Variants in FRAS1 observed in about 807,000 individuals in gnomAD.
FRAS1 encodes Fraser extracellular matrix complex subunit 1.
FRAS1 carries 290 observed loss-of-function variants against 435.2 expected under a neutral mutation model. The ratio of observed to expected loss-of-function variants is 0.67; its 90% confidence interval spans 0.61 to 0.73. The LOEUF is 0.73. FRAS1 is among the 30% of genes least tolerant of loss of function. The pLI, the probability that FRAS1 is intolerant of heterozygous loss-of-function variation, is 0.00. For synonymous variants in FRAS1, 1,800 were observed against 1,851.0 expected (o/e 0.97, Z 0.71); for missense variants, 4,860 against 5,001.5 (o/e 0.97, Z 0.85).
chr4:78,387,355 T>G lies in FRAS1; in HGVS notation c.3649-20T>G, dbSNP rs1732255371. On this transcript the variant is annotated intron_variant, in intron 28 of 73. Transcript: ENST00000512123. Reference sequence around the variant, plus strand: ...CTTTCTTTCCCTCTTAACTGACTCTTCTTCCCTTCAACTCCACAGGCCCCC... The same window carrying G: ...CTTTCTTTCCCTCTTAACTGACTCTGCTTCCCTTCAACTCCACAGGCCCCC... 6.4e-7 allele frequency: 1 copy of G among 1,568,690 alleles called. No individual in the cohort carries two copies. The highest frequency in any genetic ancestry group is 1.4e-5 in the African/African-American group (1 of 73,934).
At chr4:78,156,569 G>A (rs537230356) in intron 2 of FRAS1, among the ~76,000 whole-genome samples, 1 of 152,160 alleles carries the variant, frequency 6.6e-6, no homozygotes, top group African/African-American at 2.4e-5. Flanking sequence ...TTAGTTGTGA[G>A]TACTCGAATT....
At chr4:78,459,528 A>G (rs1016851872) in intron 47 of FRAS1, among the ~76,000 whole-genome samples, 1 of 152,230 alleles carries the variant, frequency 6.6e-6, no homozygotes, top group African/African-American at 2.4e-5. Context: ...TGCTTTAGCA[A>G]TGGTGTTATT....
At chr4:78,216,635 CG>C (rs1723780943) in intron 2 of FRAS1, among the ~76,000 whole-genome samples, 1 of 152,118 alleles carries the variant, frequency 6.6e-6, no homozygotes, top group South Asian at 2.1e-4. Flanking sequence ...AGCAGTAAAC[CG>C]TTCTTACTTT....
chr4:78,434,067 A>G (rs1432029031), intron 38 of FRAS1, among the ~76,000 whole-genome samples: 7 of 152,236 alleles, frequency 4.6e-5, no homozygotes, highest in Non-Finnish European at 1.0e-4. Context: ...ACTAAGAGTC[A>G]TGGAAAAACT....
chr4:78,308,421 T>A (rs1728880898), intron 15 of FRAS1, among the ~76,000 whole-genome samples: 1 of 152,192 alleles, frequency 6.6e-6, no homozygotes, highest in Admixed American at 6.5e-5. Context: ...AGGGTTGGGG[T>A]GCTCATTCTA....
At chr4:78,058,128 G>C in intron 1 of FRAS1, 43 bp downstream of exon 1, 1 of 1,408,640 alleles carries the variant, frequency 7.1e-7, no homozygotes, top group Non-Finnish European at 9.9e-7. Flanking sequence ...GTGCGTGTGC[G>C]TGTGTGTGTG....
At position 78,508,784 on chromosome 4, in the gene FRAS1, C is replaced by G; in HGVS notation, c.9558C>G (p.Val3186=). ...TGGAAGAAGTTACCAAGGAAGGAGTCAAGAAATCCCCCTCCCCAGGCTACC... is the reference window on the plus strand; with the variant it reads ...TGGAAGAAGTTACCAAGGAAGGAGTGAAGAAATCCCCCTCCCCAGGCTACC... ...DHVEEVTKEG[V]KKSPSPGYPL... The change falls in exon 63 of 74, where the codon GTC becomes GTG. Residue 3186 remains valine, a synonymous_variant. Transcript: ENST00000512123. 2 of 1,613,706 alleles carry G rather than the reference C, an allele frequency of 1.2e-6. No homozygotes were observed. The highest frequency in any genetic ancestry group is 1.1e-5 in the South Asian group (1 of 91,030).
intron 27 of FRAS1, among the ~76,000 whole-genome samples, chr4:78,380,379 A>G (rs1731966542): frequency 6.6e-6 from 1 of 152,074 alleles, no homozygotes; most frequent in Non-Finnish European, 1.5e-5. Flanking sequence ...CATTCTTTTC[A>G]AGGTGTTGTA....
At chr4:78,524,148 T>C (rs1469148276) in intron 69 of FRAS1, among the ~76,000 whole-genome samples, 1 of 152,212 alleles carries the variant, frequency 6.6e-6, no homozygotes, top group Non-Finnish European at 1.5e-5. Flanking sequence ...TGATGGTCTA[T>C]CTGCTGGTCC....
At chr4:78,181,602 C>T in intron 2 of FRAS1, 2 of 1,611,118 alleles carry the variant, frequency 1.2e-6, no homozygotes, top group Non-Finnish European at 1.7e-6. Context: ...GAAAATTAGC[C>T]TCCTTCACCC....
chr4:78,065,180 A>G (rs537094042), intron 1 of FRAS1, among the ~76,000 whole-genome samples: 1 of 146,864 alleles, frequency 6.8e-6, no homozygotes, highest in African/African-American at 2.5e-5. Flanking sequence ...ATGTATATAT[A>G]TGTGTATATA....
intron 19 of FRAS1, among the ~76,000 whole-genome samples, chr4:78,334,092 G>A (rs796339808): frequency 6.6e-6 from 1 of 152,166 alleles, no homozygotes; most frequent in African/African-American, 2.4e-5. Context: ...CCCAGCCTGT[G>A]GCTTTTTAAA....
chr4:78,135,485 G>C (rs1019063983), intron 2 of FRAS1, among the ~76,000 whole-genome samples: 2 of 152,138 alleles, frequency 1.3e-5, no homozygotes, highest in African/African-American at 4.8e-5. Context: ...GAAATACTTG[G>C]GCTGTTTCTT....
chr4:78,093,073 C>G (rs532394908), intron 2 of FRAS1, among the ~76,000 whole-genome samples: 3 of 152,324 alleles, frequency 2.0e-5, no homozygotes, highest in Middle Eastern at 3.4e-3. Flanking sequence ...TCAAAGTTAC[C>G]TTTTGTTTGG....
rs547172529 is a variant in FRAS1 at position 78,204,653 on chromosome 4, T to C, written c.109-32857T>C. ...TCTCGCCCTGGCTTTTACCAGCGAT[T>C]TTTTCCTCCTTTTCATAGTCCACAA... On this transcript the variant is annotated intron_variant, in intron 2 of 73. Transcript: ENST00000512123. Among the ~76,000 whole-genome samples the C allele has an allele frequency of 9.1e-4, 138 of 152,294 alleles. 2 individuals carry two copies. Among genetic ancestry groups the C allele is most frequent in the African/African-American group, 2.8e-3 (115 of 41,566 alleles).
At chr4:78,324,889 A>G (rs1185435271) in intron 18 of FRAS1, among the ~76,000 whole-genome samples, 1 of 152,034 alleles carries the variant, frequency 6.6e-6, no homozygotes, top group Non-Finnish European at 1.5e-5. Context: ...CCCCCATTCC[A>G]TGGTAAATTA....
chr4:78,086,093 A>T, intron 2 of FRAS1, among the ~76,000 whole-genome samples: 1 of 152,112 alleles, frequency 6.6e-6, no homozygotes. Context: ...CCACAGTGCA[A>T]TCAAACTAGA....
At position 78,181,505 on chromosome 4, in the gene FRAS1, C is replaced by T. The variant is rs561624918; in HGVS notation, c.109-56005C>T. On this transcript the variant is annotated intron_variant, in intron 2 of 73. Transcript: ENST00000512123. Reference sequence around the variant, plus strand: ...GCCACGAGAATCAAATCCATCTCCTCGGCCCATTCCACGTCCACGGCCCCC... The same window carrying T: ...GCCACGAGAATCAAATCCATCTCCTTGGCCCATTCCACGTCCACGGCCCCC... 3.8e-5 allele frequency: 62 copies of T among 1,611,674 alleles called. No homozygotes were observed. The East Asian group carries it at 9.4e-4, about 24-fold the overall frequency.
In FRAS1 at chr4:78,246,682, TG is replaced by T. The variant is rs1725264290; in HGVS notation, c.309+1359del. Among the ~76,000 whole-genome samples the T allele has an allele frequency of 2.6e-5, 4 of 152,236 alleles. No individual in the cohort carries two copies. The South Asian group carries it at 8.3e-4, about 32-fold the overall frequency. ...TGGTTCAAGGTGAATGATAAGTGCA[TG>T]GTTCAACCTGAATCTTTCAAGTGAA... On this transcript the variant is annotated intron_variant, in intron 4 of 73. Transcript: ENST00000512123.
Sources: gnomAD v4.1 joint callset for allele counts (sites outside exome capture counted in the v4.1 genomes callset) on GRCh38, gnomAD v4.1.1 for gene constraint, MANE v1.5 for transcripts, NCBI Gene and HGNC (gene_info 2026-07-23, HGNC 2026-07-21) for gene names.